FBXL17: variants seen among roughly 807,000 people sequenced by gnomAD.
The protein encoded by FBXL17 is F-box and leucine rich repeat protein 17, also known as F-box/LRR-repeat protein 17.
FBXL17 carries 22 observed loss-of-function variants against 66.2 expected under a neutral mutation model. The ratio of observed to expected loss-of-function variants is 0.33; its 90% CI spans 0.24 to 0.47. The LOEUF is 0.47. Ranked by LOEUF, FBXL17 falls within the 20% of genes least tolerant of loss-of-function variation. The pLI, the probability that FBXL17 is intolerant of heterozygous loss-of-function variation, is 1.00. For missense variants in FBXL17, 878 were observed against 948.2 expected, an observed-to-expected ratio of 0.93 and a Z score of 0.97; for synonymous variants, 474 against 400.5, an observed-to-expected ratio of 1.18 and a Z score of -2.19.
intron 4 of FBXL17, among the ~76,000 whole-genome samples, chr5:108,269,346 G>A (rs867401584): frequency 2.6e-4 from 39 of 151,934 alleles, no homozygotes; most frequent in South Asian, 2.1e-4. Context: ...TTATGCAAGC[G>A]TTCAATCTTT....
intron 7 of FBXL17, among the ~76,000 whole-genome samples, chr5:107,894,477 C>T (rs1421703258): frequency 1.3e-5 from 2 of 151,992 alleles, no homozygotes; most frequent in African/African-American, 4.8e-5. Context: ...CACAACAAAC[C>T]CTCAATTTTC....
intron 6 of FBXL17, among the ~76,000 whole-genome samples, chr5:108,087,787 T>C (rs1174443745): frequency 2.0e-5 from 3 of 152,156 alleles, no homozygotes; most frequent in Non-Finnish European, 4.4e-5. Flanking sequence ...AACCCTCCTT[T>C]GATAACACTC....
At chr5:108,332,544 C>A (rs1273714104) in intron 4 of FBXL17, among the ~76,000 whole-genome samples, 1 of 151,992 alleles carries the variant, frequency 6.6e-6, no homozygotes, top group Non-Finnish European at 1.5e-5. Flanking sequence ...CAGAGTAATA[C>A]TATCATATTG....
intron 3 of FBXL17, among the ~76,000 whole-genome samples, chr5:108,363,328 G>C (rs1196016437): frequency 2.0e-5 from 3 of 151,938 alleles, no homozygotes; most frequent in African/African-American, 7.2e-5. Context: ...AGAGGAAAGA[G>C]TCTATTATGA....
intron 7 of FBXL17, among the ~76,000 whole-genome samples, chr5:107,908,039 C>T (rs557758515): frequency 1.4e-4 from 21 of 152,262 alleles, no homozygotes; most frequent in Admixed American, 3.3e-4. Flanking sequence ...AGACTTGGAA[C>T]CAACCGAAAT....
intron 6 of FBXL17, among the ~76,000 whole-genome samples, chr5:108,174,766 AAAAG>A (rs1752731720): frequency 6.6e-6 from 1 of 151,338 alleles, no homozygotes; most frequent in African/African-American, 2.4e-5. Flanking sequence ...AAAAAAAAAA[AAAAG>A]CTGCAACTGT....
chr5:108,292,299 T>G (rs1345603250), intron 4 of FBXL17, among the ~76,000 whole-genome samples: 1 of 152,024 alleles, frequency 6.6e-6, no homozygotes, highest in African/African-American at 2.4e-5. Context: ...TTTTGTATTT[T>G]TAGTAGAGAT....
Position 108,364,849 on chromosome 5 carries a change from C to T in FBXL17, c.1263G>A (p.Arg421=), listed in dbSNP as rs565793248. The part of the protein sequence containing the change: ...CPGLLRYTAY[R]CKQLSDTSII... ...TAGAGGTGTCAGAAAGCTGTTTACACCTGTAGGCTGTATACCTAAGAAGTC... is the reference window on the plus strand; with the variant it reads ...TAGAGGTGTCAGAAAGCTGTTTACATCTGTAGGCTGTATACCTAAGAAGTC... The change falls in exon 3 of 9, where the codon AGG becomes AGA. Residue 421 remains arginine, a synonymous_variant. Transcript: ENST00000542267. 7.6e-5 allele frequency: 122 copies of T among 1,613,080 alleles called. 1 individual carries two copies. In the South Asian group the frequency reaches 1.2e-3, roughly 16 times the overall value.
intron 6 of FBXL17, among the ~76,000 whole-genome samples, chr5:108,040,411 T>C (rs1245677039): frequency 6.6e-6 from 1 of 152,178 alleles, no homozygotes; most frequent in African/African-American, 2.4e-5. Flanking sequence ...GACCTAAAGT[T>C]ATACTAGATT....
chr5:108,147,737 T>C (rs920782424), intron 6 of FBXL17, among the ~76,000 whole-genome samples: 1 of 152,126 alleles, frequency 6.6e-6, no homozygotes, highest in East Asian at 1.9e-4. Context: ...AAATTAAACA[T>C]CTCAATGTCT....
chr5:108,027,188 T>C (rs535892372), intron 6 of FBXL17, among the ~76,000 whole-genome samples: 1 of 152,322 alleles, frequency 6.6e-6, no homozygotes, highest in South Asian at 2.1e-4. Context: ...TGAGTGTTTC[T>C]TAGAATACTT....
rs561189068 is a variant in FBXL17 at position 108,048,642 on chromosome 5, T to C, written c.1746-27641A>G. Among the ~76,000 whole-genome samples the C allele has an allele frequency of 3.9e-5, 6 of 152,142 alleles. No homozygotes were observed. In the East Asian group the frequency reaches 1.2e-3, roughly 29 times the overall value. On this transcript the variant is annotated intron_variant, in intron 6 of 8. Transcript: ENST00000542267. ...CCTGATGGAGCTGAAAAACACAGCA[T>C]GAGAACTTCATGAAGCATACACAAG...
intron 7 of FBXL17, among the ~76,000 whole-genome samples, chr5:107,949,437 T>C (rs77273861): frequency 6.6e-6 from 1 of 152,108 alleles, no homozygotes; most frequent in Admixed American, 6.5e-5. Flanking sequence ...ATAGACAAGA[T>C]ATTTCAAATA....
At chr5:108,259,809 G>A (rs1756734278) in intron 4 of FBXL17, among the ~76,000 whole-genome samples, 2 of 152,156 alleles carry the variant, frequency 1.3e-5, no homozygotes, top group Admixed American at 6.6e-5. Context: ...ATTTAAATAC[G>A]TGAAAGCAAG....
chr5:107,890,466 A>G (rs1329709998), intron 7 of FBXL17, among the ~76,000 whole-genome samples: 1 of 151,960 alleles, frequency 6.6e-6, no homozygotes, highest in African/African-American at 2.4e-5. Context: ...GTTCAAGACC[A>G]GCCTGGGCAA....
At chr5:107,946,170 C>T (rs546785824) in intron 7 of FBXL17, among the ~76,000 whole-genome samples, 1 of 147,360 alleles carries the variant, frequency 6.8e-6, no homozygotes, top group East Asian at 2.0e-4. Flanking sequence ...GCTACAACCC[C>T]AGACATATGA....
chr5:108,223,858 G>T (rs1754979157), intron 5 of FBXL17, among the ~76,000 whole-genome samples: 1 of 151,882 alleles, frequency 6.6e-6, no homozygotes, highest in Non-Finnish European at 1.5e-5. Flanking sequence ...ACATTTAAAT[G>T]ATTCTTTTCA....
chr5:107,905,180 A>G lies in FBXL17; in HGVS notation c.1823-24001T>C, dbSNP rs552741809. Among the ~76,000 whole-genome samples the G allele has an allele frequency of 7.6e-4, 116 of 152,286 alleles. 1 individual carries two copies. The highest frequency in any genetic ancestry group is 2.6e-3 in the African/African-American group (109 of 41,580). On this transcript the variant is annotated intron_variant, in intron 7 of 8. Transcript: ENST00000542267. ...TCTAAGAGATGAGAAAAATTTGAATAGATGAGAAAAATTTCAATTTAGTGT... is the reference window on the plus strand; with the variant it reads ...TCTAAGAGATGAGAAAAATTTGAATGGATGAGAAAAATTTCAATTTAGTGT...
intron 7 of FBXL17, among the ~76,000 whole-genome samples, chr5:107,995,966 A>C (rs1753454639): frequency 6.6e-6 from 1 of 152,208 alleles, no homozygotes; most frequent in Admixed American, 6.5e-5. Context: ...ATAAAAGACA[A>C]TACACCTCAA....
Sources: allele counts gnomAD v4.1 joint callset (sites outside exome capture counted in the v4.1 genomes callset), GRCh38; gene constraint gnomAD v4.1.1; transcripts MANE v1.5; gene names NCBI Gene and HGNC (gene_info 2026-07-23, HGNC 2026-07-21).